GASK1A: variants seen among roughly 807,000 people sequenced by gnomAD.
The protein encoded by GASK1A is golgi associated kinase 1A, also known as Golgi-associated kinase 1A.
GASK1A carries 40 observed loss-of-function variants against 41.2 expected under a neutral mutation model. That is an observed-to-expected ratio of 0.97 (90% CI 0.75 to 1.27). The LOEUF (loss-of-function observed/expected upper bound fraction) is 1.27, where lower values mean the gene tolerates loss of function less well. Ranked by LOEUF, GASK1A falls within the 50% of genes most tolerant of loss-of-function variation. The pLI is 0.00. For synonymous variants in GASK1A, 316 were observed against 307.1 expected (o/e 1.03, Z -0.30); for missense variants, 678 against 745.1 (o/e 0.91, Z 1.05).
At chr3:42,998,670 G>T (rs1331839158) in intron 1 of GASK1A, among the ~76,000 whole-genome samples, 1 of 152,192 alleles carries the variant, frequency 6.6e-6, no homozygotes, top group Non-Finnish European at 1.5e-5. Context: ...TCTGCCTCCT[G>T]CTATGACAGA....
At chr3:42,992,435 C>T (rs2089346177) in intron 1 of GASK1A, among the ~76,000 whole-genome samples, 1 of 152,196 alleles carries the variant, frequency 6.6e-6, no homozygotes, top group African/African-American at 2.4e-5. Flanking sequence ...TAACAGTCAG[C>T]ACATAGTCAG....
intron 1 of GASK1A, 36 bp from the exon 2 acceptor site, chr3:43,032,231 C>T: frequency 6.9e-7 from 1 of 1,456,680 alleles, no homozygotes; most frequent in Non-Finnish European, 9.2e-7. Flanking sequence ...ATGTATTTCC[C>T]AGATCTCAAG....
At chr3:43,049,713 A>G (rs1237163281) in intron 2 of GASK1A, among the ~76,000 whole-genome samples, 1 of 152,208 alleles carries the variant, frequency 6.6e-6, no homozygotes, top group Non-Finnish European at 1.5e-5. Flanking sequence ...AACAGAAAAT[A>G]ATGTTTGGGG....
intron 1 of GASK1A, among the ~76,000 whole-genome samples, chr3:43,020,593 T>C (rs562618517): frequency 2.4e-4 from 37 of 152,338 alleles, no homozygotes; most frequent in Admixed American, 2.4e-3. Context: ...TGTGTATTAG[T>C]TGGGTTTTGC....
intron 1 of GASK1A, among the ~76,000 whole-genome samples, chr3:42,999,339 A>C (rs2089394245): frequency 6.6e-6 from 1 of 152,190 alleles, no homozygotes; most frequent in Admixed American, 6.5e-5. Flanking sequence ...CTTCTCCTCC[A>C]CAGGCAGGCA....
intron 2 of GASK1A, among the ~76,000 whole-genome samples, chr3:43,051,803 C>T (rs1467125907): frequency 1.3e-5 from 2 of 152,170 alleles, no homozygotes; most frequent in Non-Finnish European, 2.9e-5. Flanking sequence ...TCACCAGACA[C>T]GTCAGATAAT....
chr3:43,049,926 C>CCG (rs1261351665), intron 2 of GASK1A, among the ~76,000 whole-genome samples: 4 of 150,640 alleles, frequency 2.7e-5, no homozygotes, highest in Non-Finnish European at 5.9e-5. Flanking sequence ...AAATCTCTCC[C>CCG]CCCCCACTTT....
chr3:43,014,254 G>A (rs1032661926), intron 1 of GASK1A, among the ~76,000 whole-genome samples: 7 of 152,152 alleles, frequency 4.6e-5, no homozygotes, highest in African/African-American at 1.2e-4. Flanking sequence ...CACAGGCAGG[G>A]TCAGTGAGAA....
chr3:42,979,811 C>T (rs1191493493), intron 1 of GASK1A, among the ~76,000 whole-genome samples, 166 bp downstream of exon 1: 2 of 152,160 alleles, frequency 1.3e-5, no homozygotes, highest in Non-Finnish European at 2.9e-5. Context: ...TTCATTTCTG[C>T]ACCAGAGCTG....
intron 1 of GASK1A, among the ~76,000 whole-genome samples, chr3:43,030,471 A>G (rs2089569226): frequency 6.6e-6 from 1 of 152,216 alleles, no homozygotes; most frequent in Admixed American, 6.5e-5. Flanking sequence ...GGCGGTGGCT[A>G]CTGCTGTTCC....
intron 1 of GASK1A, among the ~76,000 whole-genome samples, chr3:42,995,084 G>T (rs2089362596): frequency 6.6e-6 from 1 of 152,098 alleles, no homozygotes. Flanking sequence ...TGTAGCCCTG[G>T]ACCAAGAGAT....
chr3:43,002,683 A>C (rs1314012749), intron 1 of GASK1A, among the ~76,000 whole-genome samples: 1 of 152,206 alleles, frequency 6.6e-6, no homozygotes, highest in African/African-American at 2.4e-5. Context: ...TTTTATATTG[A>C]TAACATGTTG....
intron 1 of GASK1A, among the ~76,000 whole-genome samples, chr3:43,022,663 T>G (rs1452105209): frequency 1.3e-5 from 2 of 152,206 alleles, no homozygotes. Context: ...TTCTCTAGGT[T>G]GTTGTGAGGA....
intron 1 of GASK1A, among the ~76,000 whole-genome samples, chr3:42,983,092 T>G (rs556565570): frequency 2.6e-5 from 4 of 152,134 alleles, no homozygotes; most frequent in Non-Finnish European, 4.4e-5. Context: ...AATTGAGGGA[T>G]GTGGTGTGGC....
intron 1 of GASK1A, among the ~76,000 whole-genome samples, chr3:42,992,797 C>T (rs1002140955): frequency 9.9e-5 from 15 of 152,154 alleles, no homozygotes; most frequent in Admixed American, 5.2e-4. Context: ...ATGAATGATT[C>T]GCAAATCGGG....
intron 1 of GASK1A, among the ~76,000 whole-genome samples, chr3:42,985,975 C>T (rs2089306821): frequency 6.6e-6 from 1 of 152,128 alleles, no homozygotes; most frequent in Admixed American, 6.5e-5. Flanking sequence ...CAATCCCATT[C>T]CTGTGTGTTT....
At chr3:43,025,415 T>C (rs922958714) in intron 1 of GASK1A, among the ~76,000 whole-genome samples, 7 of 152,180 alleles carry the variant, frequency 4.6e-5, no homozygotes, top group African/African-American at 7.2e-5. Context: ...TGGGAATCCA[T>C]AGGAGAGAGG....
intron 1 of GASK1A, among the ~76,000 whole-genome samples, chr3:42,988,824 G>A (rs1024365494): frequency 4.6e-5 from 7 of 152,206 alleles, no homozygotes; most frequent in Admixed American, 3.9e-4. Context: ...TGTCCCTAAT[G>A]TCAGCTCTGT....
chr3:43,006,205 G>C (rs1366744443), intron 1 of GASK1A, among the ~76,000 whole-genome samples: 2 of 152,202 alleles, frequency 1.3e-5, no homozygotes, highest in South Asian at 2.1e-4. Context: ...TGAGCTGGTC[G>C]CTTTCTTGGT....
Sources: gnomAD v4.1 joint callset for allele counts (sites outside exome capture counted in the v4.1 genomes callset) on GRCh38, gnomAD v4.1.1 for gene constraint, MANE v1.5 for transcripts, NCBI Gene and HGNC (gene_info 2026-07-23, HGNC 2026-07-21) for gene names.